The following PIGZ variants were observed in gnomAD, a reference collection of about 807,000 sequenced individuals.
The protein encoded by PIGZ is GPI alpha-1,2-mannosyltransferase 4.
PIGZ carries 16 observed loss-of-function variants against 16.4 expected under a neutral mutation model. That is an observed-to-expected ratio of 0.97 (90% confidence interval 0.66 to 1.48). PIGZ has a LOEUF of 1.48. Among genes scored for constraint, PIGZ ranks in the 40% most tolerant of loss-of-function variants. The pLI is 0.00. For synonymous variants in PIGZ, 409 were observed against 338.4 expected, an observed-to-expected ratio of 1.21 and a Z score of -2.29; for missense variants, 770 against 739.2, an observed-to-expected ratio of 1.04 and a Z score of -0.48.
Position 196,965,328 on chromosome 3 carries a change from G to A in PIGZ, c.-1+3359C>T, listed in dbSNP as rs562451013. Among the ~76,000 whole-genome samples the A allele has an allele frequency of 1.4e-4, 21 of 152,212 alleles. No individual in the cohort carries two copies. The South Asian group carries it at 3.9e-3, about 29-fold the overall frequency. On this transcript the variant is annotated intron_variant, in intron 1 of 2. Transcript: ENST00000412723. The surrounding 1 kb of genome is among the most constrained non-coding windows in gnomAD (Gnocchi z 4.2). ...AGTGTGAGTGGAGGAAATGACGGACGCTTATGGAACCATCAGATCTCATGA... is the reference window on the plus strand; with the variant it reads ...AGTGTGAGTGGAGGAAATGACGGACACTTATGGAACCATCAGATCTCATGA...
At chr3:196,961,482 C>T (rs1717720638) in intron 1 of PIGZ, among the ~76,000 whole-genome samples, 1 of 152,102 alleles carries the variant, frequency 6.6e-6, no homozygotes, top group South Asian at 2.1e-4. Flanking sequence ...GGTGGTGCAC[C>T]CCTGTAGTCC....
chr3:196,948,665 C>T lies in PIGZ; in HGVS notation c.232G>A (p.Ala78Thr). ...GGGTAAAACTCCCAGGGCCGCGCGGCCTGAACGCCCAGGATGTCCTCTGCA... is the reference window on the plus strand; with the variant it reads ...GGGTAAAACTCCCAGGGCCGCGCGGTCTGAACGCCCAGGATGTCCTCTGCA... ...VMAEDILGVQAARPWEFYPSS... is the reference protein window; with the variant it reads ...VMAEDILGVQTARPWEFYPSS... The change falls in exon 3 of 3, where the codon GCC becomes ACC. Residue 78 changes from alanine (A) to threonine (T), a missense_variant. Ala to Thr is a moderately conservative substitution (Grantham distance 58). Coordinates refer to ENST00000412723, the MANE Select transcript of PIGZ (RefSeq NM_025163.4). 1 of 1,458,052 alleles carries T rather than the reference C, an allele frequency of 6.9e-7. No homozygotes were observed. The highest frequency in any genetic ancestry group is 9.0e-7 in the Non-Finnish European group (1 of 1,107,546). 90.3% of individuals were successfully genotyped at this position (1,458,052 alleles called of 1,614,324 possible).
Position 196,965,005 on chromosome 3 carries a change from A to T in PIGZ, c.-1+3682T>A, listed in dbSNP as rs1353126738. On this transcript the variant is annotated intron_variant, in intron 1 of 2. Transcript: ENST00000412723. The surrounding 1 kb of genome is among the most constrained non-coding windows in gnomAD (Gnocchi z 4.2). ...GCTCCACTGCCCGTTAGGCTTCTGT[A>T]CCTGCTTCAAACACAGGGCAGCCCA... Among the ~76,000 whole-genome samples the T allele has an allele frequency of 6.6e-6, 1 of 152,122 alleles. No individual in the cohort carries two copies. Among genetic ancestry groups the T allele is most frequent in the Non-Finnish European group, 1.5e-5 (1 of 68,008 alleles).
chr3:196,966,993 C>T (rs1717954833), intron 1 of PIGZ, among the ~76,000 whole-genome samples: 1 of 151,970 alleles, frequency 6.6e-6, no homozygotes, highest in African/African-American at 2.4e-5. Context: ...CAGGCATTGA[C>T]AACCACGCCG....
At chr3:196,964,634 C>G (rs1270709762) in intron 1 of PIGZ, among the ~76,000 whole-genome samples, 2 of 152,214 alleles carry the variant, frequency 1.3e-5, no homozygotes, top group African/African-American at 2.4e-5. Context: ...GGATTACAGG[C>G]GTGTGCCACC....
chr3:196,948,139 G>A lies in PIGZ; in HGVS notation c.758C>T (p.Ser253Phe), dbSNP rs1177688081. ...CAGCACCAGGGCCTCCCGGGTCAGA[G>A]ACTTCAAACCAGGGTTTGTGGCTCC... ...TRGATNPGLK[S>F]LTREALVLLP... Residue 253 changes from serine to phenylalanine, a missense_variant, in exon 3 of 3, where the codon TCT becomes TTT. Physicochemically the swap from Ser to Phe is radical, Grantham distance 155. Transcript: ENST00000412723. 2 of 1,607,276 alleles carry A rather than the reference G, an allele frequency of 1.2e-6. No individual in the cohort carries two copies. Among genetic ancestry groups the A allele is most frequent in the Non-Finnish European group, 1.7e-6 (2 of 1,175,526 alleles).
At chr3:196,948,724 G>C (rs934037994) in intron 2 of PIGZ, 39 bp from the exon 3 acceptor site, 3 of 1,402,350 alleles carry the variant, frequency 2.1e-6, no homozygotes, top group Non-Finnish European at 2.8e-6. Flanking sequence ...ACCAAGCTCA[G>C]GGATGTAGTG....
In PIGZ at chr3:196,955,568, C is replaced by T. The variant is rs199545846; in HGVS notation, c.1-3537G>A. On this transcript the variant is annotated intron_variant, in intron 1 of 2. Transcript: ENST00000412723. ...ATTTTCCAGCCTTTTCTTTTCTTTTCTTTCTTTCTTTTTTTTTTTTTTTTT... is the reference window on the plus strand; with the variant it reads ...ATTTTCCAGCCTTTTCTTTTCTTTTTTTTCTTTCTTTTTTTTTTTTTTTTT... Among the ~76,000 whole-genome samples, 29 of 109,484 alleles carry T rather than the reference C, an allele frequency of 2.6e-4. 4 individuals are homozygous for T. The highest frequency in any genetic ancestry group is 3.0e-4 in the Admixed American group (3 of 9,954). The allele number at this position is 109,484 out of a possible 152,430, so 71.8% of individuals were successfully genotyped here. A position where few individuals can be genotyped will look rare whatever the true frequency, so the allele number is the denominator to read the frequency against.
chr3:196,958,431 G>A (rs971079164), intron 1 of PIGZ, among the ~76,000 whole-genome samples: 1 of 152,196 alleles, frequency 6.6e-6, no homozygotes, highest in African/African-American at 2.4e-5. Context: ...AGGAGTTCAA[G>A]ACCAGCCTGG....
At chr3:196,957,514 C>G (rs905450859) in intron 1 of PIGZ, among the ~76,000 whole-genome samples, 2 of 151,922 alleles carry the variant, frequency 1.3e-5, no homozygotes, top group South Asian at 2.1e-4. Context: ...TCTTGAGTAG[C>G]TGGGATTACA....
At chr3:196,966,090 T>A (rs1268476648) in intron 1 of PIGZ, among the ~76,000 whole-genome samples, 1 of 152,190 alleles carries the variant, frequency 6.6e-6, no homozygotes, top group South Asian at 2.1e-4. Flanking sequence ...TCCAGAAACA[T>A]CACGCCTTTC....
At chr3:196,953,389 A>G (rs1717364801) in intron 1 of PIGZ, among the ~76,000 whole-genome samples, 1 of 151,916 alleles carries the variant, frequency 6.6e-6, no homozygotes, top group African/African-American at 2.4e-5. Flanking sequence ...ATTACACTCA[A>G]CCCCATTGTT....
intron 2 of PIGZ, among the ~76,000 whole-genome samples, chr3:196,950,228 A>C (rs956038589): frequency 4.0e-5 from 6 of 151,724 alleles, no homozygotes; most frequent in Non-Finnish European, 7.4e-5. Context: ...CAGGTGATCC[A>C]CCCGCCTCAG....
chr3:196,965,073 C>T lies in PIGZ; in HGVS notation c.-1+3614G>A, dbSNP rs753072535. Among the ~76,000 whole-genome samples the T allele has an allele frequency of 1.8e-4, 28 of 152,216 alleles. No homozygotes were observed. Among genetic ancestry groups the T allele is most frequent in the Non-Finnish European group, 3.2e-4 (22 of 68,032 alleles). ...CCCTGGAATGAGCCCTGTCCCCATG[C>T]TCCCTACAGCAATGAGGAAACTACC... On this transcript the variant is annotated intron_variant, in intron 1 of 2. Transcript: ENST00000412723. The surrounding 1 kb of genome is among the most constrained non-coding windows in gnomAD (Gnocchi z 4.2).
intron 1 of PIGZ, among the ~76,000 whole-genome samples, chr3:196,957,463 G>A (rs1369217997): frequency 6.6e-6 from 1 of 150,602 alleles, no homozygotes; most frequent in Non-Finnish European, 1.5e-5. Context: ...GCTCACTGCA[G>A]CCTCTGCCTC....
chr3:196,950,505 C>T (rs910248618), intron 2 of PIGZ, among the ~76,000 whole-genome samples: 3 of 152,092 alleles, frequency 2.0e-5, no homozygotes, highest in African/African-American at 7.2e-5. Context: ...GCGGATCATT[C>T]GGGCTCTTTG....
chr3:196,947,455 G>A lies in PIGZ; in HGVS notation c.1442C>T (p.Pro481Leu). Residue 481 changes from proline to leucine, a missense_variant, in exon 3 of 3, where the codon CCA becomes CTA. Coordinates refer to ENST00000412723, the MANE Select transcript of PIGZ (RefSeq NM_025163.4). ...HLLHLPGLGA[P>L]VEVVDMGGTE... ...CCCCCCCATGTCCACCACCTCCACT[G>A]GTGCCCCCAGGCCTGGGAGGTGTAG... 1.2e-6 allele frequency: 2 copies of A among 1,613,660 alleles called. No homozygotes were observed. The highest frequency in any genetic ancestry group is 1.7e-6 in the Non-Finnish European group (2 of 1,180,002).
chr3:196,949,793 G>A (rs1717194271), intron 2 of PIGZ, among the ~76,000 whole-genome samples: 1 of 152,008 alleles, frequency 6.6e-6, no homozygotes, highest in Non-Finnish European at 1.5e-5. Context: ...AGGTGGGGGA[G>A]GCCTAACCTC....
chr3:196,956,365 G>GCGAATGAGAAGCAAA (rs1401184168), intron 1 of PIGZ, among the ~76,000 whole-genome samples: 5 of 152,302 alleles, frequency 3.3e-5, no homozygotes, highest in East Asian at 3.9e-4. Context: ...CAGGCAAAAA[G>GCGAATGAGAAGCAAA]CGAATGAGAA....
Sources: allele counts gnomAD v4.1 joint callset (sites outside exome capture counted in the v4.1 genomes callset), GRCh38; gene constraint gnomAD v4.1.1; non-coding constraint Gnocchi (gnomAD v3.1); transcripts MANE v1.5; gene names NCBI Gene and HGNC (gene_info 2026-07-23, HGNC 2026-07-21).